FMO5: variants seen among roughly 807,000 people sequenced by gnomAD.
FMO5 encodes the protein flavin-containing monooxygenase 5.
In FMO5, 51 loss-of-function variants were observed where a neutral mutation model predicts 43.6. That is an observed-to-expected ratio of 1.17 (90% CI 0.93 to 1.48). FMO5 has a LOEUF of 1.48. Ranked by LOEUF, FMO5 falls within the 40% of genes most tolerant of loss-of-function variation. FMO5 has a pLI of 0.00. For missense variants in FMO5, 644 were observed against 643.0 expected (o/e 1.00, Z -0.02); for synonymous variants, 187 against 216.5 (o/e 0.86, Z 1.20).
At chr1:147,204,030 G>A (rs1221269852) in intron 6 of FMO5, 7 of 1,192,150 alleles carry the variant, frequency 5.9e-6, no homozygotes, top group Non-Finnish European at 8.8e-6. Flanking sequence ...GCATAATGAA[G>A]AGCCATGTCT....
At position 147,196,352 on chromosome 1, in the gene FMO5, G is replaced by A. The variant is rs185259548; in HGVS notation, c.1183+4800C>T. ...TTTAAGCTTAATCATAGGTCTCTTC[G>A]GATACTCAAAATAAGCGTTTTGAGA... is the stretch of plus-strand genomic sequence containing the variant. On this transcript the variant is annotated intron_variant, in intron 7 of 8. Coordinates refer to ENST00000254090, the MANE Select transcript of FMO5 (RefSeq NM_001461.4). Among the ~76,000 whole-genome samples the A allele has an allele frequency of 6.0e-3, 915 of 151,828 alleles. 4 individuals carry two copies. Among genetic ancestry groups the A allele is most frequent in the Middle Eastern group, 0.01 (3 of 292 alleles).
At chr1:147,220,008 T>G (rs1662732496) in intron 2 of FMO5, among the ~76,000 whole-genome samples, 1 of 152,004 alleles carries the variant, frequency 6.6e-6, no homozygotes, top group African/African-American at 2.4e-5. Context: ...CCAGCTAATT[T>G]TTTGTATTTT....
chr1:147,184,381 T>C (rs1389246363), downstream of FMO5: 8 of 1,161,142 alleles, frequency 6.9e-6, no homozygotes, highest in African/African-American at 6.3e-5. This position sits in a 1 kb window ranked among gnomAD's most constrained non-coding sequence, Gnocchi z 4.4. Context: ...TAAACCAATA[T>C]TGATACATTA....
intron 6 of FMO5, among the ~76,000 whole-genome samples, chr1:147,208,286 A>G (rs1660443962): frequency 6.6e-6 from 1 of 152,094 alleles, no homozygotes; most frequent in Non-Finnish European, 1.5e-5. Context: ...GTATCATGCA[A>G]AAAGAACTGA....
intron 7 of FMO5, among the ~76,000 whole-genome samples, chr1:147,196,979 T>C (rs1658126228): frequency 6.6e-6 from 1 of 152,154 alleles, no homozygotes; most frequent in Non-Finnish European, 1.5e-5. Flanking sequence ...CTATTTCCCA[T>C]TTCACTCCTC....
At chr1:147,189,271 T>TAA (rs5777626) in intron 8 of FMO5, among the ~76,000 whole-genome samples, 4 of 142,822 alleles carry the variant, frequency 2.8e-5, no homozygotes, top group Non-Finnish European at 1.5e-5. Context: ...AGACTCCGTC[T>TAA]AAAAAAAAAA....
At chr1:147,184,458 G>T, downstream of FMO5, 2 of 1,390,276 alleles carry the variant, frequency 1.4e-6, no homozygotes. This position sits in a 1 kb window ranked among gnomAD's most constrained non-coding sequence, Gnocchi z 4.4. Context: ...TCTGTTGCAG[G>T]AGTCCATCCA....
chr1:147,194,868 G>A lies in FMO5; in HGVS notation c.1184-4619C>T, dbSNP rs587695438. 3.9e-5 allele frequency among the ~76,000 whole-genome samples: 6 copies of A among 152,166 alleles called. No individual in the cohort carries two copies. In the East Asian group the frequency reaches 5.8e-4, roughly 15 times the overall value. On this transcript the variant is annotated intron_variant, in intron 7 of 8. Coordinates refer to ENST00000254090, the MANE Select transcript of FMO5 (RefSeq NM_001461.4). ...TCTTCTGGCTTGTAGAGTTACTGCC[G>A]AGAGATCTGCTGTTAGTCTGATGGG...
chr1:147,224,070 T>A, intron 2 of FMO5: 1 of 371,658 alleles, frequency 2.7e-6, no homozygotes, highest in South Asian at 2.1e-5. Flanking sequence ...CTGCCTGCCC[T>A]GTGTCCCAAA....
chr1:147,204,171 C>A, intron 6 of FMO5: 1 of 1,295,256 alleles, frequency 7.7e-7, no homozygotes, highest in South Asian at 1.2e-5. Flanking sequence ...AACACTGTTC[C>A]CTTAGTTTCT....
intron 7 of FMO5, among the ~76,000 whole-genome samples, chr1:147,194,134 G>A (rs1208934417): frequency 2.6e-5 from 4 of 152,088 alleles, no homozygotes; most frequent in African/African-American, 4.8e-5. Flanking sequence ...ATTATTGCGT[G>A]GGAGTCTAAG....
chr1:147,190,280 A>G (rs1553918181), intron 7 of FMO5, 31 bp from the exon 8 acceptor site: 2 of 1,297,456 alleles, frequency 1.5e-6, no homozygotes, highest in South Asian at 2.4e-5. Flanking sequence ...TTTAACTGTA[A>G]AATTACCTCA....
chr1:147,215,704 T>C (rs782579226), intron 3 of FMO5, 50 bp downstream of exon 3: 6 of 1,362,070 alleles, frequency 4.4e-6, no homozygotes, highest in Non-Finnish European at 6.1e-6. Flanking sequence ...ACGTTATTCA[T>C]TTACTTGGCA....
intron 6 of FMO5, among the ~76,000 whole-genome samples, chr1:147,203,114 C>CT (rs142319990): frequency 1.4e-3 from 200 of 147,674 alleles, no homozygotes; most frequent in East Asian, 3.4e-3. Flanking sequence ...CAAAGGTTTC[C>CT]TTTTTTTTTT....
At chr1:147,205,552 G>C (rs1659836243) in intron 6 of FMO5, among the ~76,000 whole-genome samples, 1 of 152,154 alleles carries the variant, frequency 6.6e-6, no homozygotes. Context: ...CCATGTCAAA[G>C]AGAGAATTAT....
At chr1:147,184,341 A>G, downstream of FMO5, 1 of 817,640 alleles carries the variant, frequency 1.2e-6, no homozygotes. This position sits in a 1 kb window ranked among gnomAD's most constrained non-coding sequence, Gnocchi z 4.4. Flanking sequence ...TTGACATTTT[A>G]CATTCCTCTG....
At chr1:147,203,605 C>G in intron 6 of FMO5, 4 of 1,167,640 alleles carry the variant, frequency 3.4e-6, no homozygotes, top group Non-Finnish European at 5.2e-6. Context: ...CTTCAAACGC[C>G]TCAGCAAACT....
rs142542749 is a variant in FMO5, at chr1:147,193,811, G to T, written c.1184-3562C>A. On this transcript the variant is annotated intron_variant, in intron 7 of 8. Coordinates refer to ENST00000254090, the MANE Select transcript of FMO5 (RefSeq NM_001461.4). The stretch of plus-strand genomic sequence containing the variant: ...GGTTGTTCAGTTTCCATGTAGTTGA[G>T]TGGTTTTGAGTGAGTTTTTTAGTCC... Among the ~76,000 whole-genome samples, 18 of 152,226 alleles carry T rather than the reference G, an allele frequency of 1.2e-4. No individual in the cohort carries two copies. The South Asian group carries it at 3.5e-3, about 30-fold the overall frequency.
chr1:147,201,633 T>G (rs2101834463), intron 6 of FMO5, 129 bp from the exon 7 acceptor site: 1 of 668,964 alleles, frequency 1.5e-6, no homozygotes, highest in African/African-American at 1.8e-5. Flanking sequence ...TGCATGAAGT[T>G]TGGAAAAGGT....
Sources: allele counts gnomAD v4.1 joint callset (sites outside exome capture counted in the v4.1 genomes callset), GRCh38; gene constraint gnomAD v4.1.1; non-coding constraint Gnocchi (gnomAD v3.1); transcripts MANE v1.5; gene names NCBI Gene and HGNC (gene_info 2026-07-23, HGNC 2026-07-21).